CBFB: variants seen among roughly 807,000 people sequenced by gnomAD.
The protein encoded by CBFB is CBF-beta.
CBFB carries 9 observed loss-of-function variants against 30.4 expected under a neutral mutation model. The observed-to-expected ratio is 0.30, with a 90% confidence interval of 0.18 to 0.52. CBFB has a LOEUF of 0.52. CBFB is among the 20% of genes least tolerant of loss of function. The pLI is 0.97. For missense variants in CBFB, 170 were observed against 244.0 expected (o/e 0.70, Z 2.02); for synonymous variants, 94 against 84.0 (o/e 1.12, Z -0.65).
In CBFB at chr16:67,066,851, C is replaced by T. The variant is rs1238410184; in HGVS notation, c.399+53C>T. The T allele has an allele frequency of 9.5e-6, 10 of 1,054,148 alleles. No individual in the cohort carries two copies. The East Asian group carries it at 2.2e-4, about 23-fold the overall frequency. 65.3% of individuals were successfully genotyped at this position (1,054,148 alleles called of 1,614,324 possible). On this transcript the variant is annotated intron_variant, in intron 4 of 5. Transcript: ENST00000412916. ...ATGGTCCCTTTAGTCCCTAATCTTG[C>T]CTTTGCCTGGGGACCTATTTTACCC...
At chr16:67,052,350 G>A (rs970428696) in intron 3 of CBFB, among the ~76,000 whole-genome samples, 1 of 152,146 alleles carries the variant, frequency 6.6e-6, no homozygotes, top group African/African-American at 2.4e-5. Flanking sequence ...TGGGAAGATT[G>A]CATGAAGCCA....
intron 3 of CBFB, among the ~76,000 whole-genome samples, chr16:67,064,319 GTC>G (rs1214896070): frequency 1.3e-5 from 2 of 152,140 alleles, no homozygotes; most frequent in African/African-American, 4.8e-5. Context: ...CGATTCTCCT[GTC>G]TCAGCCTCCC....
Position 67,057,494 on chromosome 16 carries a change from A to C in CBFB, c.283-9188A>C, listed in dbSNP as rs1960765304. Among the ~76,000 whole-genome samples the C allele has an allele frequency of 2.0e-5, 3 of 152,086 alleles. No individual in the cohort carries two copies. In the South Asian group the frequency reaches 6.2e-4, roughly 32 times the overall value. ...GCATTGCTGTGTCAAAGGAAAATGCACCCTTATTCCCCCAAATTGCCTTCC... is the reference window on the plus strand; with the variant it reads ...GCATTGCTGTGTCAAAGGAAAATGCCCCCTTATTCCCCCAAATTGCCTTCC... On this transcript the variant is annotated intron_variant, in intron 3 of 5. Coordinates refer to ENST00000412916, the MANE Select transcript of CBFB (RefSeq NM_022845.3).
intron 2 of CBFB, among the ~76,000 whole-genome samples, chr16:67,030,591 A>G (rs1966321954): frequency 6.6e-6 from 1 of 152,034 alleles, no homozygotes; most frequent in African/African-American, 2.4e-5. Flanking sequence ...GAAACCAAGA[A>G]AAGAGGTTGA....
chr16:67,035,852 G>A (rs1349822946), intron 2 of CBFB, among the ~76,000 whole-genome samples: 1 of 152,132 alleles, frequency 6.6e-6, no homozygotes, highest in East Asian at 1.9e-4. Flanking sequence ...TGGGAAAGGG[G>A]TAATGTCTTT....
Position 67,099,419 on chromosome 16 carries a change from C to CTTT in CBFB, c.*653_*655dup. 3 of 187,748 alleles carry CTTT rather than the reference C, an allele frequency of 1.6e-5. No homozygotes were observed. The highest frequency in any genetic ancestry group is 1.1e-5 in the Non-Finnish European group (1 of 92,488). 11.6% of individuals were successfully genotyped at this position (187,748 alleles called of 1,614,324 possible). On this transcript the variant is annotated 3_prime_UTR_variant, in exon 6 of 6. Coordinates refer to ENST00000412916, the MANE Select transcript of CBFB (RefSeq NM_022845.3). ...TAAATGCTAGTAATCAGCACTCTTTCTTTTTTTTTTTTTTAATAGAGACAG... is the reference window on the plus strand; with the variant it reads ...TAAATGCTAGTAATCAGCACTCTTTCTTTTTTTTTTTTTTTTTAATAGAGACAG...
intron 5 of CBFB, among the ~76,000 whole-genome samples, chr16:67,088,029 T>C (rs894539366): frequency 1.3e-5 from 2 of 152,198 alleles, no homozygotes; most frequent in African/African-American, 4.8e-5. Context: ...CATTATGACC[T>C]AGAGCATAGA....
chr16:67,040,310 A>G (rs1346691230), intron 3 of CBFB, among the ~76,000 whole-genome samples: 1 of 152,148 alleles, frequency 6.6e-6, no homozygotes, highest in African/African-American at 2.4e-5. Flanking sequence ...TATTCTCTCA[A>G]CTGAGTTACC....
At chr16:67,047,611 T>C (rs931044182) in intron 3 of CBFB, among the ~76,000 whole-genome samples, 3 of 152,224 alleles carry the variant, frequency 2.0e-5, no homozygotes, top group African/African-American at 7.2e-5. Context: ...ATAATAACAA[T>C]GATAGTTTCT....
intron 3 of CBFB, among the ~76,000 whole-genome samples, chr16:67,043,318 T>G (rs932027655): frequency 1.3e-5 from 2 of 152,230 alleles, no homozygotes; most frequent in African/African-American, 4.8e-5. Flanking sequence ...TTCTCTATTA[T>G]TTGAAATACA....
intron 2 of CBFB, 187 bp downstream of exon 2, chr16:67,030,000 T>G: frequency 2.2e-6 from 1 of 461,464 alleles, no homozygotes; most frequent in Non-Finnish European, 3.8e-6. Flanking sequence ...GGAGACGCTT[T>G]TCCTGGGGCT....
chr16:67,056,810 T>A (rs1347253470), intron 3 of CBFB, among the ~76,000 whole-genome samples: 1 of 152,074 alleles, frequency 6.6e-6, no homozygotes, highest in Non-Finnish European at 1.5e-5. Flanking sequence ...GCCTCCTGAG[T>A]AGCTGGGACT....
At chr16:67,038,800 GTCA>G (rs1966486320) in intron 3 of CBFB, among the ~76,000 whole-genome samples, 1 of 150,368 alleles carries the variant, frequency 6.7e-6, no homozygotes, top group Non-Finnish European at 1.5e-5. Context: ...TTTGTTTTTT[GTCA>G]GCTTTAGCCC....
chr16:67,042,052 A>T (rs998943828), intron 3 of CBFB, among the ~76,000 whole-genome samples: 1 of 151,746 alleles, frequency 6.6e-6, no homozygotes, highest in African/African-American at 2.4e-5. Flanking sequence ...GGACCACAGC[A>T]TCTCACCTGT....
chr16:67,061,606 A>G (rs1960912562), intron 3 of CBFB, among the ~76,000 whole-genome samples: 1 of 152,234 alleles, frequency 6.6e-6, no homozygotes, highest in South Asian at 2.1e-4. Flanking sequence ...ACATGAAAGC[A>G]CCAAACATTT....
intron 4 of CBFB, among the ~76,000 whole-genome samples, chr16:67,075,285 A>T (rs1419316992): frequency 6.6e-6 from 1 of 152,064 alleles, no homozygotes; most frequent in Non-Finnish European, 1.5e-5. Flanking sequence ...AAGGAAACAC[A>T]GACAACCTAA....
intron 5 of CBFB, among the ~76,000 whole-genome samples, chr16:67,098,111 GTTTTTTGT>G (rs1054243017): frequency 7.5e-5 from 11 of 146,134 alleles, no homozygotes; most frequent in African/African-American, 3.0e-4. Context: ...TTGTTGTGGG[GTTTTTTGT>G]TTGTTTGTTT....
At chr16:67,044,261 G>A (rs1411144189) in intron 3 of CBFB, among the ~76,000 whole-genome samples, 3 of 152,094 alleles carry the variant, frequency 2.0e-5, no homozygotes, top group Non-Finnish European at 4.4e-5. Flanking sequence ...AAGATAAGGG[G>A]TATGAAAATC....
chr16:67,100,181 G>A lies in CBFB; in HGVS notation c.*1403G>A, dbSNP rs1466576367. ...CTACATTTCTGAATTTTTGAAAAAT[G>A]TATTTTATCATTAAATGGCATTATT... On this transcript the variant is annotated 3_prime_UTR_variant, in exon 6 of 6. Transcript: ENST00000412916. 5 of 210,944 alleles carry A rather than the reference G, an allele frequency of 2.4e-5. No homozygotes were observed. The highest frequency in any genetic ancestry group is 1.1e-4 in the African/African-American group (5 of 44,084). The allele number at this position is 210,944 out of a possible 1,614,324, so 13.1% of individuals were successfully genotyped here.
Sources: gnomAD v4.1 joint callset for allele counts (sites outside exome capture counted in the v4.1 genomes callset) on GRCh38, gnomAD v4.1.1 for gene constraint, MANE v1.5 for transcripts, NCBI Gene and HGNC (gene_info 2026-07-23, HGNC 2026-07-21) for gene names.